Variants in EHBP1 observed in about 807,000 individuals in gnomAD.
EHBP1 encodes EH domain binding protein 1.
Under a neutral mutation model 144.0 loss-of-function variants are expected in EHBP1, and 55 were observed. The ratio of observed to expected loss-of-function variants is 0.38; its 90% CI spans 0.31 to 0.48. EHBP1 has a LOEUF of 0.48. Among genes scored for constraint, EHBP1 ranks in the 20% least tolerant of loss-of-function variants. The pLI is 0.98. For missense variants in EHBP1, 1,200 were observed against 1,364.2 expected, an observed-to-expected ratio of 0.88 and a Z score of 1.90; for synonymous variants, 469 against 472.7, an observed-to-expected ratio of 0.99 and a Z score of 0.10.
At chr2:62,925,722 G>A (rs1031380758) in intron 10 of EHBP1, among the ~76,000 whole-genome samples, 1 of 151,874 alleles carries the variant, frequency 6.6e-6, no homozygotes, top group African/African-American at 2.4e-5. Context: ...GACTCTACAT[G>A]GAAAACTGCA....
chr2:62,889,608 T>C (rs938900282), intron 10 of EHBP1, among the ~76,000 whole-genome samples: 1 of 152,220 alleles, frequency 6.6e-6, no homozygotes, highest in Non-Finnish European at 1.5e-5. Context: ...TTCCATTTTC[T>C]GCATATGGCT....
chr2:62,974,690 A>C (rs1230181214), intron 14 of EHBP1, among the ~76,000 whole-genome samples: 1 of 152,162 alleles, frequency 6.6e-6, no homozygotes, highest in Admixed American at 6.5e-5. Context: ...TTTTGGTAGA[A>C]TATTATAGGT....
chr2:63,026,334 G>GTGTGTC (rs2060977997), intron 19 of EHBP1, among the ~76,000 whole-genome samples: 1 of 149,984 alleles, frequency 6.7e-6, no homozygotes, highest in African/African-American at 2.5e-5. Context: ...GTGTGTGTGT[G>GTGTGTC]TGTGTGTGTG....
chr2:63,009,597 C>G (rs1330714236), intron 19 of EHBP1, among the ~76,000 whole-genome samples: 1 of 151,394 alleles, frequency 6.6e-6, no homozygotes, highest in Non-Finnish European at 1.5e-5. Context: ...TCCTTATAAG[C>G]CTTATGTGAT....
chr2:62,834,128 A>C (rs1170895136), intron 7 of EHBP1, among the ~76,000 whole-genome samples: 1 of 152,242 alleles, frequency 6.6e-6, no homozygotes, highest in Non-Finnish European at 1.5e-5. Context: ...TGAACAAAGA[A>C]AGTAGCTTCT....
At chr2:62,729,629 TAAAATA>T (rs1252209183) in intron 2 of EHBP1, among the ~76,000 whole-genome samples, 1 of 138,580 alleles carries the variant, frequency 7.2e-6, no homozygotes, top group African/African-American at 2.7e-5. Context: ...TAAAATAAAA[TAAAATA>T]AAATAATATA....
chr2:62,801,401 A>C (rs528998153), intron 5 of EHBP1, among the ~76,000 whole-genome samples: 2 of 152,352 alleles, frequency 1.3e-5, no homozygotes, highest in Non-Finnish European at 2.9e-5. Flanking sequence ...TCTATACTGA[A>C]GTGTTGTGAG....
chr2:62,811,976 G>A (rs1297874663), intron 5 of EHBP1, among the ~76,000 whole-genome samples: 1 of 152,116 alleles, frequency 6.6e-6, no homozygotes, highest in Non-Finnish European at 1.5e-5. Context: ...ACCTTTAAGA[G>A]GTGATTAGAT....
At chr2:63,043,143 C>T (rs1430390139) in intron 21 of EHBP1, among the ~76,000 whole-genome samples, 1 of 152,068 alleles carries the variant, frequency 6.6e-6, no homozygotes, top group Non-Finnish European at 1.5e-5. Context: ...TAAGATCTTT[C>T]CAACCTGGAG....
At chr2:62,951,516 T>G (rs1216825773) in intron 13 of EHBP1, among the ~76,000 whole-genome samples, 1 of 143,114 alleles carries the variant, frequency 7.0e-6, no homozygotes, top group East Asian at 2.2e-4. Context: ...CAATACAAAT[T>G]TTTCTTTTTT....
At chr2:62,780,747 A>C (rs2042366862) in intron 5 of EHBP1, among the ~76,000 whole-genome samples, 1 of 152,230 alleles carries the variant, frequency 6.6e-6, no homozygotes, top group South Asian at 2.1e-4. Flanking sequence ...ATTACATGCC[A>C]GATAATTTAT....
intron 2 of EHBP1, among the ~76,000 whole-genome samples, chr2:62,718,931 T>C (rs1188668035): frequency 6.6e-6 from 1 of 152,020 alleles, no homozygotes; most frequent in Non-Finnish European, 1.5e-5. Flanking sequence ...TTCTCTTCCA[T>C]ATAAGCAAAG....
chr2:62,744,492 C>T (rs1226640967), intron 2 of EHBP1, among the ~76,000 whole-genome samples: 4 of 152,018 alleles, frequency 2.6e-5, no homozygotes, highest in African/African-American at 9.7e-5. Flanking sequence ...AGAAGAATAA[C>T]CCACAGCAGT....
intron 10 of EHBP1, among the ~76,000 whole-genome samples, chr2:62,906,654 A>G (rs2053835409): frequency 6.6e-6 from 1 of 152,184 alleles, no homozygotes; most frequent in African/African-American, 2.4e-5. Flanking sequence ...TACTTTATCC[A>G]GTTTTTCCCA....
chr2:62,959,487 A>G (rs2057891396), intron 14 of EHBP1, among the ~76,000 whole-genome samples: 1 of 152,128 alleles, frequency 6.6e-6, no homozygotes, highest in Non-Finnish European at 1.5e-5. Flanking sequence ...ATTTTATATT[A>G]CCACCAACAG....
chr2:62,929,961 C>T (rs911633374), intron 10 of EHBP1, among the ~76,000 whole-genome samples: 1 of 152,136 alleles, frequency 6.6e-6, no homozygotes, highest in Non-Finnish European at 1.5e-5. Flanking sequence ...TTAACAATAG[C>T]ATCAGCCAGA....
At chr2:62,808,218 CTTT>C (rs59599464) in intron 5 of EHBP1, among the ~76,000 whole-genome samples, 1 of 138,120 alleles carries the variant, frequency 7.2e-6, no homozygotes, top group Non-Finnish European at 1.6e-5. Context: ...TCTTCTGTTC[CTTT>C]TTTTTTTTTT....
At chr2:62,849,439 A>G (rs902151651) in intron 7 of EHBP1, among the ~76,000 whole-genome samples, 4 of 152,156 alleles carry the variant, frequency 2.6e-5, no homozygotes, top group Non-Finnish European at 5.9e-5. Flanking sequence ...ATCTAACTAC[A>G]TTGAACTACC....
intron 10 of EHBP1, among the ~76,000 whole-genome samples, chr2:62,905,397 G>A (rs747135535): frequency 1.1e-4 from 16 of 152,240 alleles, no homozygotes; most frequent in African/African-American, 1.7e-4. Flanking sequence ...GGAATGAATA[G>A]TGCAGGATGA....
Sources: gnomAD v4.1 joint callset for allele counts (sites outside exome capture counted in the v4.1 genomes callset) on GRCh38, gnomAD v4.1.1 for gene constraint, MANE v1.5 for transcripts, NCBI Gene and HGNC (gene_info 2026-07-23, HGNC 2026-07-21) for gene names.